The following CNTNAP5 variants were observed in gnomAD, a reference collection of about 807,000 sequenced individuals.
CNTNAP5 encodes contactin-associated protein-like 5.
CNTNAP5 carries 72 observed loss-of-function variants against 150.2 expected under a neutral mutation model. That is an observed-to-expected ratio of 0.48 (90% CI 0.40 to 0.58). The LOEUF is 0.58. CNTNAP5 is among the 20% of genes least tolerant of loss of function. The probability of loss-of-function intolerance (pLI) is 0.00; values close to 1 mark genes in which losing one functional copy is unlikely to be tolerated. For synonymous variants in CNTNAP5, 672 were observed against 619.8 expected, an observed-to-expected ratio of 1.08 and a Z score of -1.25; for missense variants, 1,636 against 1,626.2, an observed-to-expected ratio of 1.01 and a Z score of -0.10.
intron 1 of CNTNAP5, among the ~76,000 whole-genome samples, chr2:124,102,276 T>C (rs1340062662): frequency 6.6e-6 from 1 of 152,248 alleles, no homozygotes; most frequent in East Asian, 1.9e-4. Flanking sequence ...AAAAGAGTAA[T>C]AGTAAGTAAA....
At chr2:124,905,856 G>T (rs1678525356) in intron 22 of CNTNAP5, among the ~76,000 whole-genome samples, 1 of 152,120 alleles carries the variant, frequency 6.6e-6, no homozygotes, top group South Asian at 2.1e-4. Flanking sequence ...TACAGGGGTG[G>T]TCTCTAGTTA....
chr2:124,653,786 C>G (rs1445877936), intron 13 of CNTNAP5, among the ~76,000 whole-genome samples: 2 of 152,156 alleles, frequency 1.3e-5, no homozygotes, highest in African/African-American at 4.8e-5. Flanking sequence ...CTTTCATACA[C>G]TAGGCATTTT....
intron 13 of CNTNAP5, among the ~76,000 whole-genome samples, chr2:124,703,414 T>G (rs2105092583): frequency 6.6e-6 from 1 of 152,312 alleles, no homozygotes; most frequent in East Asian, 1.9e-4. Flanking sequence ...CTTGCTCAGC[T>G]TGCATATCTT....
rs1573398523 is a variant in CNTNAP5 at position 124,474,824 on chromosome 2, A to G, written c.1004A>G (p.Tyr335Cys). The G allele has an allele frequency of 1.9e-6, 3 of 1,607,022 alleles. No homozygotes were observed. Among genetic ancestry groups the G allele is most frequent in the Non-Finnish European group, 2.5e-6 (3 of 1,176,746 alleles). The change falls in exon 7 of 24, where the codon TAC (tyrosine) becomes TGC (cysteine). Residue 335 changes from tyrosine to cysteine, a missense_variant. Transcript: ENST00000682447. ...NFHGCIENLY[Y>C]NGVNIIDLAK... The stretch of plus-strand genomic sequence containing the variant: ...CATGGATGCATCGAAAACCTTTACT[A>G]CAATGGAGTAAACATAATTGACCTG...
At chr2:124,583,572 T>C (rs1215382942) in intron 11 of CNTNAP5, among the ~76,000 whole-genome samples, 1 of 152,224 alleles carries the variant, frequency 6.6e-6, no homozygotes, top group Non-Finnish European at 1.5e-5. Context: ...TTATAATGTG[T>C]CAACACAATT....
chr2:124,400,479 T>G (rs1272097995), intron 3 of CNTNAP5, among the ~76,000 whole-genome samples: 1 of 152,104 alleles, frequency 6.6e-6, no homozygotes, highest in Non-Finnish European at 1.5e-5. Context: ...CCCCAAGGCT[T>G]TACCCTGTAT....
intron 1 of CNTNAP5, among the ~76,000 whole-genome samples, chr2:124,052,157 C>T (rs745696682): frequency 1.8e-4 from 28 of 152,198 alleles, no homozygotes; most frequent in Non-Finnish European, 2.1e-4. Flanking sequence ...GTCCCTGGGC[C>T]CACACTGGTC....
At chr2:124,588,214 TTC>T (rs1469901417) in intron 11 of CNTNAP5, among the ~76,000 whole-genome samples, 2 of 148,552 alleles carry the variant, frequency 1.3e-5, no homozygotes, top group Admixed American at 6.8e-5. Context: ...CTTTCTTTCT[TTC>T]TTTCTTTCTT....
At chr2:124,447,791 G>C (rs1034074620) in intron 6 of CNTNAP5, among the ~76,000 whole-genome samples, 1 of 152,146 alleles carries the variant, frequency 6.6e-6, no homozygotes, top group Non-Finnish European at 1.5e-5. Flanking sequence ...TGAAAGAATA[G>C]GGTTAGAAGA....
chr2:124,598,271 G>A (rs1302126779), intron 11 of CNTNAP5, among the ~76,000 whole-genome samples: 1 of 114,780 alleles, frequency 8.7e-6, no homozygotes, highest in African/African-American at 3.2e-5. Context: ...CCATCTTTGT[G>A]GTTTTATCTA....
chr2:124,108,207 T>TAC, intron 1 of CNTNAP5, among the ~76,000 whole-genome samples: 1 of 152,232 alleles, frequency 6.6e-6, no homozygotes, highest in Admixed American at 6.5e-5. Flanking sequence ...CAAGGAATTT[T>TAC]AACCTTAGAG....
chr2:124,470,823 G>A (rs1354501213), intron 6 of CNTNAP5, among the ~76,000 whole-genome samples: 1 of 152,050 alleles, frequency 6.6e-6, no homozygotes, highest in Non-Finnish European at 1.5e-5. Flanking sequence ...ATTAAATAGG[G>A]AATCTTTTTC....
chr2:124,178,083 G>A (rs1452128478), intron 1 of CNTNAP5, among the ~76,000 whole-genome samples: 4 of 152,030 alleles, frequency 2.6e-5, no homozygotes, highest in African/African-American at 7.2e-5. Flanking sequence ...CTGACCTTAC[G>A]TGATCCACCC....
chr2:124,808,448 C>T lies in CNTNAP5; in HGVS notation c.3217+10128C>T, dbSNP rs542328891. 2.6e-5 allele frequency among the ~76,000 whole-genome samples: 4 copies of T among 151,792 alleles called. No individual in the cohort carries two copies. In the South Asian group the frequency reaches 6.2e-4, roughly 24 times the overall value. On this transcript the variant is annotated intron_variant, in intron 19 of 23. Transcript: ENST00000682447. Reference sequence around the variant, plus strand: ...ACTAAAAATACAAGAATTTGTCGGGCGTGATGGTGCATGCCTGTAGTCCCA... The same window carrying T: ...ACTAAAAATACAAGAATTTGTCGGGTGTGATGGTGCATGCCTGTAGTCCCA...
intron 2 of CNTNAP5, among the ~76,000 whole-genome samples, chr2:124,229,849 C>T (rs1203775227): frequency 6.6e-6 from 1 of 151,478 alleles, no homozygotes; most frequent in Non-Finnish European, 1.5e-5. Flanking sequence ...TAGAAATAGA[C>T]ATCTTTGGCC....
At chr2:124,388,175 C>T (rs1212004015) in intron 3 of CNTNAP5, among the ~76,000 whole-genome samples, 1 of 152,166 alleles carries the variant, frequency 6.6e-6, no homozygotes, top group African/African-American at 2.4e-5. Context: ...GCACAGACTA[C>T]CTCCTAAAGG....
At chr2:124,246,575 T>G (rs1052295938) in intron 3 of CNTNAP5, among the ~76,000 whole-genome samples, 1 of 152,134 alleles carries the variant, frequency 6.6e-6, no homozygotes, top group African/African-American at 2.4e-5. Context: ...GTGGGTAAAC[T>G]TGTTTGGAAC....
chr2:124,422,130 T>C (rs1217697885), intron 4 of CNTNAP5, among the ~76,000 whole-genome samples: 1 of 152,222 alleles, frequency 6.6e-6, no homozygotes, highest in Non-Finnish European at 1.5e-5. Context: ...CCTCATTCTC[T>C]CAGCATAGGC....
At chr2:124,176,515 G>C (rs1222827633) in intron 1 of CNTNAP5, among the ~76,000 whole-genome samples, 2 of 152,168 alleles carry the variant, frequency 1.3e-5, no homozygotes, top group African/African-American at 4.8e-5. Flanking sequence ...TTAATAGGAA[G>C]AAAGGCATAC....
Sources: gnomAD v4.1 joint callset for allele counts (sites outside exome capture counted in the v4.1 genomes callset) on GRCh38, gnomAD v4.1.1 for gene constraint, MANE v1.5 for transcripts, NCBI Gene and HGNC (gene_info 2026-07-23, HGNC 2026-07-21) for gene names.